The following SMOX variants were observed in gnomAD, a reference collection of about 807,000 sequenced individuals.
The protein encoded by SMOX is spermine oxidase.
Under a neutral mutation model 51.0 loss-of-function variants are expected in SMOX, and 22 were observed. That is an observed-to-expected ratio of 0.43 (90% CI 0.31 to 0.62). The LOEUF is 0.62. Among genes scored for constraint, SMOX ranks in the 20% least tolerant of loss-of-function variants. The probability of loss-of-function intolerance (pLI) is 0.10; values close to 1 mark genes in which losing one functional copy is unlikely to be tolerated. For missense variants in SMOX, 566 were observed against 777.7 expected (o/e 0.73, Z 3.24); for synonymous variants, 282 against 307.8 (o/e 0.92, Z 0.88).
rs924468608 is a variant in SMOX at position 4,187,120 on chromosome 20, G to T, written c.1531-150G>T. On this transcript the variant is annotated intron_variant, in intron 6 of 6. Coordinates refer to ENST00000305958, the MANE Select transcript of SMOX (RefSeq NM_175839.3). The surrounding 1 kb of genome is among the most constrained non-coding windows in gnomAD (Gnocchi z 4.8). ...GGAAAGTGGCCAGATAGGATGGGCA[G>T]CTCTTCATCCTGTGGAAGCAGCAGC... is the stretch of plus-strand genomic sequence containing the variant. 3 of 1,047,516 alleles carry T rather than the reference G, an allele frequency of 2.9e-6. No homozygotes were observed. The highest frequency in any genetic ancestry group is 4.0e-6 in the Non-Finnish European group (3 of 742,574). The allele number at this position is 1,047,516 out of a possible 1,614,324, so 64.9% of individuals were successfully genotyped here.
Position 4,181,605 on chromosome 20 carries a change from C to T in SMOX, c.436-198C>T, listed in dbSNP as rs567912444. Among the ~76,000 whole-genome samples the T allele has an allele frequency of 5.3e-5, 8 of 152,274 alleles. 1 individual carries two copies. The highest frequency in any genetic ancestry group is 1.9e-4 in the East Asian group (1 of 5,164). ...GGCTTATCCCACCTCCCCGACAGGC[C>T]GGAGGCGAGGAGGTGGCTGCCCGGG... On this transcript the variant is annotated intron_variant, in intron 3 of 6. Coordinates refer to ENST00000305958, the MANE Select transcript of SMOX (RefSeq NM_175839.3). This position sits in a 1 kb window ranked among gnomAD's most constrained non-coding sequence, Gnocchi z 5.6.
At chr20:4,160,872 C>T (rs1986277783) in intron 1 of SMOX, among the ~76,000 whole-genome samples, 1 of 152,140 alleles carries the variant, frequency 6.6e-6, no homozygotes, top group African/African-American at 2.4e-5. Flanking sequence ...AAGCACAGGT[C>T]CCAGGCTGGG....
intron 1 of SMOX, among the ~76,000 whole-genome samples, chr20:4,161,135 G>A (rs1229283838): frequency 6.6e-6 from 1 of 152,206 alleles, no homozygotes; most frequent in Non-Finnish European, 1.5e-5. Context: ...AGGGATAGGG[G>A]AGAAGCCCCA....
rs1456861734 is a variant in SMOX, at chr20:4,183,505, A to G, written c.1381A>G (p.Ile461Val). 2.5e-6 allele frequency: 4 copies of G among 1,614,176 alleles called. 1 individual carries two copies. The South Asian group carries it at 3.3e-5, about 13-fold the overall frequency. ...TGACTCTCCATCAGGGAACCCCAAC[A>G]TTCCAAAACCTCGGCGAATCTTGCG... ...MLRQFTGNPN[I>V]PKPRRILRSA... The change falls in exon 6 of 7, where the codon ATT becomes GTT. Residue 461 changes from isoleucine (I) to valine (V), a missense_variant. Coordinates refer to ENST00000305958, the MANE Select transcript of SMOX (RefSeq NM_175839.3). The surrounding 1 kb of genome is among the most constrained non-coding windows in gnomAD (Gnocchi z 4.3).
Position 4,183,489 on chromosome 20 carries a change from A to G in SMOX, c.1370-5A>G. The G allele has an allele frequency of 1.2e-6, 2 of 1,614,048 alleles. No homozygotes were observed. The highest frequency in any genetic ancestry group is 2.2e-5 in the South Asian group (2 of 91,076). ...CTCCTCTTGGCTTTTCTGACTCTCC[A>G]TCAGGGAACCCCAACATTCCAAAAC... On this transcript the variant is annotated splice_region_variant and splice_polypyrimidine_tract_variant and intron_variant, in intron 5 of 6. Transcript: ENST00000305958. The surrounding 1 kb of genome is among the most constrained non-coding windows in gnomAD (Gnocchi z 4.3).
intron 1 of SMOX, among the ~76,000 whole-genome samples, chr20:4,164,532 C>A (rs1416391229): frequency 1.3e-5 from 2 of 152,196 alleles, no homozygotes; most frequent in Non-Finnish European, 2.9e-5. Flanking sequence ...TGTGTGAAAG[C>A]TGTGGTACTA....
rs982081002 is a variant in SMOX at position 4,187,072 on chromosome 20, A to C, written c.1531-198A>C. ...GGGACTCCTAATGGCCTCAAGACAG[A>C]AAGAGCCAAGGGAAGAAGCAGGGGA... On this transcript the variant is annotated intron_variant, in intron 6 of 6. Transcript: ENST00000305958. The surrounding 1 kb of genome is among the most constrained non-coding windows in gnomAD (Gnocchi z 4.8). 2.6e-5 allele frequency among the ~76,000 whole-genome samples: 4 copies of C among 152,188 alleles called. No homozygotes were observed. Among genetic ancestry groups the C allele is most frequent in the Admixed American group, 2.0e-4 (3 of 15,278 alleles).
chr20:4,151,717 C>G (rs13043612), intron 1 of SMOX, among the ~76,000 whole-genome samples: 37,006 of 152,146 alleles, frequency 0.24, 5,682 homozygotes, highest in Non-Finnish European at 0.32. Flanking sequence ...CTTGGGAAGT[C>G]CCCCGTAATT....
intron 1 of SMOX, among the ~76,000 whole-genome samples, chr20:4,162,999 G>A (rs962711461): frequency 2.6e-5 from 4 of 152,210 alleles, no homozygotes; most frequent in African/African-American, 7.2e-5. Flanking sequence ...GAGAGCAGAG[G>A]GCTTTGGGAG....
At position 4,187,344 on chromosome 20, in the gene SMOX, C is replaced by T. The variant is rs765404156; in HGVS notation, c.1605C>T (p.Ser535=). Residue 535 remains serine (S), a synonymous_variant, in exon 7 of 7, where the codon TCC becomes TCT. Transcript: ENST00000305958. The surrounding 1 kb of genome is among the most constrained non-coding windows in gnomAD (Gnocchi z 4.8). The part of the protein sequence containing the change: ...YYSTTHGALL[S]GQREAARLIE... ...CCACCACCCACGGTGCTCTGCTGTC[C>T]GGCCAGCGTGAGGCTGCCCGCCTCA... is the stretch of plus-strand genomic sequence containing the variant. 25 of 1,614,080 alleles carry T rather than the reference C, an allele frequency of 1.5e-5. No individual in the cohort carries two copies. The highest frequency in any genetic ancestry group is 8.8e-5 in the South Asian group (8 of 91,086).
At chr20:4,159,465 A>T (rs1439463456) in intron 1 of SMOX, among the ~76,000 whole-genome samples, 2 of 152,300 alleles carry the variant, frequency 1.3e-5, no homozygotes, top group East Asian at 3.9e-4. Context: ...TATATTACTA[A>T]GTAAAATTTA....
At chr20:4,159,165 G>A (rs1986186833) in intron 1 of SMOX, among the ~76,000 whole-genome samples, 1 of 152,090 alleles carries the variant, frequency 6.6e-6, no homozygotes, top group Non-Finnish European at 1.5e-5. Context: ...CTCTTGGAGT[G>A]CAATGGCGCG....
chr20:4,178,175 G>A (rs775040755), intron 3 of SMOX, among the ~76,000 whole-genome samples: 32 of 152,176 alleles, frequency 2.1e-4, no homozygotes, highest in Non-Finnish European at 3.5e-4. Context: ...CTGAGTAGCT[G>A]GGATTACAGG....
At chr20:4,178,962 C>T (rs1337898738) in intron 3 of SMOX, among the ~76,000 whole-genome samples, 4 of 152,152 alleles carry the variant, frequency 2.6e-5, no homozygotes, top group East Asian at 1.9e-4. Context: ...GGATTACAAG[C>T]GTGAGCCACC....
At chr20:4,175,929 T>C (rs1978807926) in intron 2 of SMOX, 2 of 149,508 alleles carry the variant, frequency 1.3e-5, no homozygotes, top group South Asian at 2.1e-4. Flanking sequence ...TTTCTGACCA[T>C]TGAGGGGTTG....
At chr20:4,171,056 G>T (rs939681726) in intron 1 of SMOX, among the ~76,000 whole-genome samples, 1 of 152,282 alleles carries the variant, frequency 6.6e-6, no homozygotes, top group African/African-American at 2.4e-5. Context: ...AGTGTCTGTT[G>T]CCCGCCCTCC....
intron 1 of SMOX, among the ~76,000 whole-genome samples, chr20:4,165,816 G>A (rs931783460): frequency 4.6e-5 from 7 of 152,184 alleles, no homozygotes; most frequent in African/African-American, 1.4e-4. Context: ...ATCTTCTCTA[G>A]GAACATCTGG....
At chr20:4,159,452 T>A (rs1986207296) in intron 1 of SMOX, among the ~76,000 whole-genome samples, 4 of 152,186 alleles carry the variant, frequency 2.6e-5, no homozygotes, top group Admixed American at 2.6e-4. Context: ...GCCTGAGGCT[T>A]AATATATTAC....
intron 1 of SMOX, among the ~76,000 whole-genome samples, chr20:4,168,947 T>TTTATTTTATTTTATTTTATTTTATG (rs1229084022): frequency 7.9e-5 from 9 of 114,180 alleles, no homozygotes; most frequent in Non-Finnish European, 1.5e-4. Flanking sequence ...TTTATTTTAT[T>TTTATTTTATTTTATTTTATTTTATG]TTATGTTATT....
Sources: gnomAD v4.1 joint callset for allele counts (sites outside exome capture counted in the v4.1 genomes callset) on GRCh38, gnomAD v4.1.1 for gene constraint, Gnocchi (gnomAD v3.1) non-coding constraint, MANE v1.5 for transcripts, NCBI Gene and HGNC (gene_info 2026-07-23, HGNC 2026-07-21) for gene names.